The following COX7A2L variants were observed in gnomAD, a reference collection of about 807,000 sequenced individuals.
The protein encoded by COX7A2L is cytochrome c oxidase subunit 7A2 like, also known as cytochrome c oxidase subunit 7A2-like, mitochondrial.
In COX7A2L, 18 loss-of-function variants were observed where a neutral mutation model predicts 14.2. That is an observed-to-expected ratio of 1.27 (90% CI 0.88 to 1.88). The LOEUF is 1.88. COX7A2L is among the 40% of genes most tolerant of loss of function. COX7A2L has a pLI of 0.00. For missense variants in COX7A2L, 179 were observed against 138.8 expected (o/e 1.29, Z -1.46); for synonymous variants, 65 against 57.4 (o/e 1.13, Z -0.60).
intron 1 of COX7A2L, 81 bp downstream of exon 1, chr2:42,361,009 T>A: frequency 6.7e-7 from 1 of 1,494,080 alleles, no homozygotes; most frequent in Non-Finnish European, 9.2e-7. Context: ...AAGCCTCCCC[T>A]GGCTCCAACG....
intron 2 of COX7A2L, among the ~76,000 whole-genome samples, chr2:42,341,124 T>C (rs1221945557): frequency 6.6e-6 from 1 of 152,166 alleles, no homozygotes; most frequent in Admixed American, 6.5e-5. Context: ...TGACAACTTA[T>C]GGGTGAGTCC....
At chr2:42,353,057 C>T (rs1227848586) in intron 2 of COX7A2L, 155 bp downstream of exon 2, 5 of 878,220 alleles carry the variant, frequency 5.7e-6, no homozygotes, top group African/African-American at 1.7e-5. Flanking sequence ...ATATAAAGTT[C>T]TATTCGTTTA....
At chr2:42,343,077 G>GC (rs1368498458) in intron 2 of COX7A2L, among the ~76,000 whole-genome samples, 1 of 152,198 alleles carries the variant, frequency 6.6e-6, no homozygotes, top group East Asian at 1.9e-4. Context: ...CGTCATGAGA[G>GC]CAAGAGTCAG....
chr2:42,359,018 A>G (rs1670928957), intron 1 of COX7A2L: 1 of 152,240 alleles, frequency 6.6e-6, no homozygotes, highest in Non-Finnish European at 1.5e-5. Context: ...CCAACAGAAT[A>G]AACTGTGATA....
At chr2:42,340,342 C>G (rs1670377218) in intron 2 of COX7A2L, among the ~76,000 whole-genome samples, 1 of 152,218 alleles carries the variant, frequency 6.6e-6, no homozygotes, top group South Asian at 2.1e-4. Flanking sequence ...GCTGTCACTC[C>G]CAGGCCCCCA....
chr2:42,340,006 A>G (rs951606282), intron 2 of COX7A2L, among the ~76,000 whole-genome samples: 1 of 152,084 alleles, frequency 6.6e-6, no homozygotes, highest in African/African-American at 2.4e-5. Flanking sequence ...AATGTCGCAG[A>G]CACCCCTGGT....
chr2:42,357,684 T>C (rs778722427), intron 1 of COX7A2L, among the ~76,000 whole-genome samples: 1 of 152,080 alleles, frequency 6.6e-6, no homozygotes, highest in Non-Finnish European at 1.5e-5. Flanking sequence ...ACACTCATCA[T>C]GTCCAAAATT....
rs530841402 is a variant in COX7A2L at position 42,349,714 on chromosome 2, T to C, written c.*1505A>G. The C allele has an allele frequency of 1.7e-4, 26 of 152,362 alleles. No individual in the cohort carries two copies. Among genetic ancestry groups the C allele is most frequent in the African/African-American group, 6.3e-4 (26 of 41,580 alleles). 9.4% of individuals were successfully genotyped at this position (152,362 alleles called of 1,614,324 possible). A position where few individuals can be genotyped will look rare whatever the true frequency, so the allele number is the denominator to read the frequency against. The stretch of plus-strand genomic sequence containing the variant: ...GTAAACTATGTATTAGATGGTAGTA[T>C]TGTTATAAATGTTAACTTTATTGAG... On this transcript the variant is annotated 3_prime_UTR_variant, in exon 3 of 3. Transcript: ENST00000234301.
intron 2 of COX7A2L, among the ~76,000 whole-genome samples, chr2:42,340,389 T>C (rs1168838871): frequency 6.6e-6 from 1 of 152,204 alleles, no homozygotes; most frequent in Non-Finnish European, 1.5e-5. Flanking sequence ...TCAATTGTTG[T>C]AAGTCTTTTT....
rs1670327648 is a variant in COX7A2L, at chr2:42,338,261, C to T, written c.193-4392G>A. Reference sequence around the variant, plus strand: ...TCCGGTTGATGTGTCGTTGGTACTCCTCCTCGGATGCCCTCTCCTGAAGCC... The same window carrying T: ...TCCGGTTGATGTGTCGTTGGTACTCTTCCTCGGATGCCCTCTCCTGAAGCC... On this transcript the variant is annotated intron_variant, in intron 2 of 2. Coordinates refer to the COX7A2L transcript ENST00000468711. This position sits in a 1 kb window ranked among gnomAD's most constrained non-coding sequence, Gnocchi z 4.4. 6.6e-6 allele frequency among the ~76,000 whole-genome samples: 1 copy of T among 152,208 alleles called. No individual in the cohort carries two copies. The highest frequency in any genetic ancestry group is 1.5e-5 in the Non-Finnish European group (1 of 68,034).
intron 2 of COX7A2L, among the ~76,000 whole-genome samples, chr2:42,351,938 G>A (rs555888007): frequency 6.6e-6 from 1 of 152,270 alleles, no homozygotes; most frequent in African/African-American, 2.4e-5. Flanking sequence ...GGCCATGAGT[G>A]TGCCACTACA....
chr2:42,368,060 C>T (rs750449053), intron 1 of COX7A2L, among the ~76,000 whole-genome samples: 1 of 152,216 alleles, frequency 6.6e-6, no homozygotes, highest in African/African-American at 2.4e-5. Context: ...AGCCTTGTTT[C>T]GGCACAGATG....
downstream of COX7A2L, among the ~76,000 whole-genome samples, chr2:42,348,293 C>T (rs955914281): frequency 2.0e-5 from 3 of 152,174 alleles, no homozygotes; most frequent in African/African-American, 4.8e-5. Context: ...GCTGAGGACA[C>T]GATATTCCTA....
chr2:42,362,388 A>G (rs1429798959), upstream of COX7A2L, among the ~76,000 whole-genome samples: 1 of 152,206 alleles, frequency 6.6e-6, no homozygotes, highest in East Asian at 1.9e-4. Flanking sequence ...AAATTGATGG[A>G]TGATACTAAC....
chr2:42,357,784 T>A (rs147175655), intron 1 of COX7A2L, among the ~76,000 whole-genome samples: 205 of 152,236 alleles, frequency 1.3e-3, no homozygotes, highest in African/African-American at 4.8e-3. Context: ...ATCCCCAACA[T>A]CTGTCTCATC....
downstream of COX7A2L, among the ~76,000 whole-genome samples, chr2:42,346,125 G>A (rs1670493748): frequency 6.6e-6 from 1 of 152,156 alleles, no homozygotes; most frequent in Admixed American, 6.5e-5. Flanking sequence ...TGGCCCAGTG[G>A]AGGACACCTC....
downstream of COX7A2L, among the ~76,000 whole-genome samples, chr2:42,346,828 TTATTC>T: frequency 6.6e-6 from 1 of 152,358 alleles, no homozygotes; most frequent in African/African-American, 2.4e-5. Flanking sequence ...AAAAAATGTT[TTATTC>T]TTTTTAAAGT....
intron 1 of COX7A2L, among the ~76,000 whole-genome samples, chr2:42,360,463 T>C (rs1670988757): frequency 1.3e-5 from 2 of 152,314 alleles, no homozygotes; most frequent in Non-Finnish European, 2.9e-5. Flanking sequence ...CTCCAATTGG[T>C]AGAATCTGCG....
chr2:42,351,385 A>G, intron 2 of COX7A2L, 26 bp from the exon 3 acceptor site: 4 of 1,607,392 alleles, frequency 2.5e-6, no homozygotes, highest in Non-Finnish European at 3.4e-6. Flanking sequence ...TAACAAGGGC[A>G]TGGTTGAGAA....
Sources: allele counts gnomAD v4.1 joint callset (sites outside exome capture counted in the v4.1 genomes callset), GRCh38; gene constraint gnomAD v4.1.1; non-coding constraint Gnocchi (gnomAD v3.1); transcripts MANE v1.5; gene names NCBI Gene and HGNC (gene_info 2026-07-23, HGNC 2026-07-21).